Variants in SEMA3C observed in about 807,000 individuals in gnomAD.
SEMA3C encodes the protein semaphorin 3C.
Under a neutral mutation model 89.4 loss-of-function variants are expected in SEMA3C, and 47 were observed. The ratio of observed to expected loss-of-function variants is 0.53; its 90% CI spans 0.42 to 0.67. The LOEUF (loss-of-function observed/expected upper bound fraction) is 0.67, where lower values mean the gene tolerates loss of function less well. Ranked by LOEUF, SEMA3C falls within the 30% of genes least tolerant of loss-of-function variation. The pLI, the probability that SEMA3C is intolerant of heterozygous loss-of-function variation, is 0.00. For synonymous variants in SEMA3C, 310 were observed against 320.2 expected, an observed-to-expected ratio of 0.97 and a Z score of 0.34; for missense variants, 839 against 929.1, an observed-to-expected ratio of 0.90 and a Z score of 1.26.
intron 3 of SEMA3C, among the ~76,000 whole-genome samples, chr7:80,828,092 T>A (rs1002146086): frequency 2.0e-5 from 3 of 152,148 alleles, no homozygotes; most frequent in Admixed American, 6.6e-5. Context: ...AATGCAGAAG[T>A]CTCCTTGTTG....
At chr7:80,886,569 G>A (rs1791484107) in intron 2 of SEMA3C, among the ~76,000 whole-genome samples, 3 of 151,996 alleles carry the variant, frequency 2.0e-5, no homozygotes, top group Admixed American at 1.3e-4. Context: ...GGTCAGGCTG[G>A]TCTCGAACTA....
At chr7:80,896,021 G>A (rs1441372855) in intron 2 of SEMA3C, among the ~76,000 whole-genome samples, 2 of 145,688 alleles carry the variant, frequency 1.4e-5, no homozygotes, top group South Asian at 2.1e-4. Flanking sequence ...ATACAGTAAT[G>A]TGAATGAGAG....
At chr7:80,858,524 G>A (rs1166437157) in intron 2 of SEMA3C, among the ~76,000 whole-genome samples, 7 of 152,168 alleles carry the variant, frequency 4.6e-5, no homozygotes. Context: ...TTGTAAATTT[G>A]TAAAACCACA....
At chr7:80,903,163 G>T (rs1791924156) in intron 2 of SEMA3C, among the ~76,000 whole-genome samples, 1 of 152,066 alleles carries the variant, frequency 6.6e-6, no homozygotes, top group Non-Finnish European at 1.5e-5. Flanking sequence ...TTTTGTCATT[G>T]TGCGAACATC....
intron 14 of SEMA3C, 77 bp from the exon 15 acceptor site, chr7:80,758,565 T>C (rs1005559799): frequency 2.3e-5 from 31 of 1,364,892 alleles, no homozygotes; most frequent in Non-Finnish European, 3.2e-5. Context: ...CATTATAATA[T>C]ATGCCCACAA....
At chr7:80,834,671 G>C (rs966343757) in intron 2 of SEMA3C, among the ~76,000 whole-genome samples, 6 of 152,092 alleles carry the variant, frequency 3.9e-5, no homozygotes, top group African/African-American at 1.4e-4. Flanking sequence ...GATAAAGGAA[G>C]GTAGAGAGTT....
At chr7:80,750,473 T>TATACACACACACACACAC (rs869227686) in intron 16 of SEMA3C, among the ~76,000 whole-genome samples, 3 of 55,456 alleles carry the variant, frequency 5.4e-5, no homozygotes, top group African/African-American at 7.4e-5. Context: ...TATATATATA[T>TATACACACACACACACAC]ACACACACAC....
intron 5 of SEMA3C, among the ~76,000 whole-genome samples, chr7:80,814,052 C>T (rs1789537221): frequency 6.6e-6 from 1 of 150,690 alleles, no homozygotes; most frequent in Non-Finnish European, 1.5e-5. Context: ...TCTTTTTTTC[C>T]CCACCCCTCT....
At chr7:80,793,456 A>T (rs1293468912) in intron 11 of SEMA3C, 1 of 450,718 alleles carries the variant, frequency 2.2e-6, no homozygotes. Flanking sequence ...AGGGGACACA[A>T]GAATAAAAAA....
chr7:80,754,964 T>TTTGTTTTTTTTTGTTTTTTG (rs1554359505), intron 15 of SEMA3C, among the ~76,000 whole-genome samples: 2 of 129,148 alleles, frequency 1.5e-5, no homozygotes, highest in African/African-American at 5.5e-5. Flanking sequence ...TTTGTTTTTT[T>TTTGTTTTTTTTTGTTTTTTG]TTTTTTTGTA....
intron 17 of SEMA3C, among the ~76,000 whole-genome samples, chr7:80,747,674 A>AT (rs1207923034): frequency 2.0e-5 from 3 of 152,202 alleles, no homozygotes; most frequent in African/African-American, 7.2e-5. Context: ...TTGATAACAG[A>AT]TTTTACAGCA....
intron 2 of SEMA3C, among the ~76,000 whole-genome samples, chr7:80,831,564 T>C (rs760234233): frequency 6.6e-6 from 1 of 152,150 alleles, no homozygotes; most frequent in Non-Finnish European, 1.5e-5. Context: ...TTTTTACAAG[T>C]AGCATCTACT....
At chr7:80,916,872 A>T in intron 1 of SEMA3C, 53 bp from the exon 2 acceptor site, 1 of 1,483,038 alleles carries the variant, frequency 6.7e-7, no homozygotes, top group Non-Finnish European at 9.2e-7. Flanking sequence ...TTTTAGGAGT[A>T]GGAAAAAACA....
In SEMA3C at chr7:80,754,948, T is replaced by TTTTTTTGTTGTTGTTTTTTTG. The variant is rs1554359460; in HGVS notation, c.1643+3382_1643+3383insCAAAAAAACAACAACAAAAAA. Among the ~76,000 whole-genome samples, 4 of 27,378 alleles carry TTTTTTTGTTGTTGTTTTTTTG rather than the reference T, an allele frequency of 1.5e-4. No individual in the cohort carries two copies. In the East Asian group the frequency reaches 1.8e-3, roughly 12 times the overall value. The allele number at this position is 27,378 out of a possible 152,430, so 18.0% of individuals were successfully genotyped here. On this transcript the variant is annotated intron_variant, in intron 15 of 17. Transcript: ENST00000265361. The stretch of plus-strand genomic sequence containing the variant: ...GCCTGCCACCATGCCTGGCGAATTG[T>TTTTTTTGTTGTTGTTTTTTTG]TTTTTTTTGTTTTTTTTTTTTTTGT...
chr7:80,754,964 T>TTTTGTTTTTTTTTTTTTTTTTG (rs765917535), intron 15 of SEMA3C, among the ~76,000 whole-genome samples: 2 of 129,146 alleles, frequency 1.5e-5, no homozygotes, highest in Non-Finnish European at 3.3e-5. Context: ...TTTGTTTTTT[T>TTTTGTTTTTTTTTTTTTTTTTG]TTTTTTTGTA....
rs1437450328 is a variant in SEMA3C at position 80,919,047 on chromosome 7, G to A, written c.-258C>T. The A allele has an allele frequency of 3.0e-6, 3 of 985,328 alleles. No homozygotes were observed. The highest frequency in any genetic ancestry group is 4.7e-5 in the South Asian group (1 of 21,284). The allele number at this position is 985,328 out of a possible 1,614,324, so 61.0% of individuals were successfully genotyped here. On this transcript the variant is annotated 5_prime_UTR_variant, in exon 1 of 18. Transcript: ENST00000265361. ...TCCGCGTCGCTCAATCAAGCACCTC[G>A]GAGTGAATGGAAAGTGGCCGGAGGC...
At chr7:80,768,888 A>C (rs1788365625) in intron 12 of SEMA3C, among the ~76,000 whole-genome samples, 1 of 152,046 alleles carries the variant, frequency 6.6e-6, no homozygotes, top group African/African-American at 2.4e-5. Context: ...AGGAGAGAAA[A>C]CTCAGAAGAA....
intron 11 of SEMA3C, among the ~76,000 whole-genome samples, chr7:80,796,953 CAA>C (rs1291635344): frequency 2.0e-5 from 3 of 151,592 alleles, no homozygotes; most frequent in Admixed American, 2.0e-4. Flanking sequence ...AAGGAGCAAA[CAA>C]TATTGCAAAT....
chr7:80,818,506 T>C (rs537371227), intron 4 of SEMA3C, 88 bp from the exon 5 acceptor site: 2 of 1,436,420 alleles, frequency 1.4e-6, no homozygotes, highest in African/African-American at 1.4e-5. Flanking sequence ...TCTTGTATGA[T>C]AAGTAACAAT....
Sources: gnomAD v4.1 joint callset for allele counts (sites outside exome capture counted in the v4.1 genomes callset) on GRCh38, gnomAD v4.1.1 for gene constraint, MANE v1.5 for transcripts, NCBI Gene and HGNC (gene_info 2026-07-23, HGNC 2026-07-21) for gene names.